Variants in STAT2 observed in about 807,000 individuals in gnomAD.
The protein encoded by STAT2 is interferon alpha induced transcriptional activator.
In STAT2, 51 loss-of-function variants were observed where a neutral mutation model predicts 122.3. The observed-to-expected ratio is 0.42, with a 90% confidence interval of 0.33 to 0.53. STAT2 has a LOEUF of 0.53. Among genes scored for constraint, STAT2 ranks in the 20% least tolerant of loss-of-function variants. The pLI, the probability that STAT2 is intolerant of heterozygous loss-of-function variation, is 0.10. For missense variants in STAT2, 736 were observed against 1,010.3 expected, an observed-to-expected ratio of 0.73 and a Z score of 3.68; for synonymous variants, 351 against 394.9, an observed-to-expected ratio of 0.89 and a Z score of 1.32.
intron 12 of STAT2, 76 bp downstream of exon 12, chr12:56,350,336 C>G: frequency 6.7e-7 from 1 of 1,500,046 alleles, no homozygotes; most frequent in Admixed American, 2.0e-5. Flanking sequence ...CTTGTTTGTG[C>G]CACCAGGGCT....
At chr12:56,351,547 AC>A in intron 8 of STAT2, 97 bp from the exon 9 acceptor site, 1 of 1,316,624 alleles carries the variant, frequency 7.6e-7, no homozygotes, top group Non-Finnish European at 1.0e-6. Flanking sequence ...AGAGTCAGAA[AC>A]TGACTGGGGG....
chr12:56,354,384 G>C, intron 8 of STAT2, 82 bp downstream of exon 8: 1 of 1,587,492 alleles, frequency 6.3e-7, no homozygotes, highest in Non-Finnish European at 8.6e-7. Flanking sequence ...ATAGAGAACA[G>C]TATCTCTTGC....
chr12:56,354,016 A>AATATATATATATATAT (rs1555171512), intron 8 of STAT2, among the ~76,000 whole-genome samples: 4 of 16,696 alleles, frequency 2.4e-4, no homozygotes, highest in Admixed American at 1.4e-3. Flanking sequence ...AAAAAAAAAA[A>AATATATATATATATAT]ATATATATAT....
chr12:56,348,087 G>GTTTTTTT (rs745864117), intron 19 of STAT2, among the ~76,000 whole-genome samples: 19 of 119,576 alleles, frequency 1.6e-4, no homozygotes, highest in South Asian at 2.8e-4. Context: ...ATTATTGGTT[G>GTTTTTTT]TTTTTTTTTT....
chr12:56,343,154 CT>C lies in STAT2; in HGVS notation c.*234del. 2.0e-6 allele frequency: 1 copy of C among 502,848 alleles called. No individual in the cohort carries two copies. Among genetic ancestry groups the C allele is most frequent in the Non-Finnish European group, 3.3e-6 (1 of 302,270 alleles). The allele number at this position is 502,848 out of a possible 1,614,324, so 31.1% of individuals were successfully genotyped here. A position where few individuals can be genotyped will look rare whatever the true frequency, so the allele number is the denominator to read the frequency against. On this transcript the variant is annotated 3_prime_UTR_variant, in exon 24 of 24. Coordinates refer to ENST00000314128, the MANE Select transcript of STAT2 (RefSeq NM_005419.4). The stretch of plus-strand genomic sequence containing the variant: ...TATACCTCCCAGCACAGCAGGCAGC[CT>C]CCAGGATCCTATTTAGACCTATGGC...
intron 6 of STAT2, 191 bp downstream of exon 6, chr12:56,355,085 T>C: frequency 4.1e-6 from 3 of 728,248 alleles, no homozygotes; most frequent in Non-Finnish European, 6.8e-6. Context: ...TCCTCAACAT[T>C]TACTGTCTCT....
chr12:56,356,658 A>T, intron 1 of STAT2, 80 bp from the exon 2 acceptor site: 1 of 1,512,668 alleles, frequency 6.6e-7, no homozygotes, highest in South Asian at 1.3e-5. Flanking sequence ...GTTCATTATT[A>T]CTAATTTAAA....
chr12:56,355,182 G>A (rs768753296), intron 6 of STAT2, 94 bp downstream of exon 6: 43 of 1,432,014 alleles, frequency 3.0e-5, no homozygotes, highest in Non-Finnish European at 4.1e-5. Context: ...GTCTGACAGT[G>A]ACTACTGCTC....
rs758869093 is a variant in STAT2, at chr12:56,355,496, T to C, written c.418A>G (p.Ser140Gly). The change falls in exon 5 of 24, where the codon AGC (serine) becomes GGC (glycine). Residue 140 changes from serine (S) to glycine (G), a missense_variant. Transcript: ENST00000314128. ...GEPVLETPVESQQHEIESRIL... is the reference protein window; with the variant it reads ...GEPVLETPVEGQQHEIESRIL... ...CGGGATTCAATCTCATGTTGCTGGC[T>C]CTCCACAGGTGTTTCGAGAACTGGC... 1 of 1,614,050 alleles carries C rather than the reference T, an allele frequency of 6.2e-7. No homozygotes were observed. The highest frequency in any genetic ancestry group is 2.2e-5 in the East Asian group (1 of 44,894).
intron 8 of STAT2, among the ~76,000 whole-genome samples, chr12:56,354,016 AATATATATAT>A (rs1555171512): frequency 6.0e-5 from 1 of 16,678 alleles, no homozygotes; most frequent in African/African-American, 1.1e-4. Flanking sequence ...AAAAAAAAAA[AATATATATAT>A]ATATATATAT....
rs1344498811 is a variant in STAT2 at position 56,350,814 on chromosome 12, C to T, written c.1094+15G>A. The T allele has an allele frequency of 5.0e-6, 8 of 1,613,678 alleles. No individual in the cohort carries two copies. Among genetic ancestry groups the T allele is most frequent in the Non-Finnish European group, 6.8e-6 (8 of 1,180,036 alleles). On this transcript the variant is annotated intron_variant, in intron 11 of 23. Transcript: ENST00000314128. ...CAGCCCGTGTCCTGGCCACCCTTCA[C>T]CTGCTCCAATTTACCTGTCAATGGA...
chr12:56,350,679 A>G, intron 11 of STAT2, 150 bp downstream of exon 11: 1 of 923,136 alleles, frequency 1.1e-6, no homozygotes, highest in Admixed American at 2.0e-5. Flanking sequence ...GTCACAAAGT[A>G]AGTGTTCAAC....
chr12:56,344,097 G>C lies in STAT2; in HGVS notation c.2141C>G (p.Pro714Arg). ...DELQQPLELK[P>R]EPELESLELE... ...CTCTAATGACTCCAGCTCTGGCTCT[G>C]GCTTAAGCTCCAGCGGTTGTTGCAG... The change falls in exon 23 of 24, where the codon CCA (proline) becomes CGA (arginine). Residue 714 changes from proline to arginine, a missense_variant. Physicochemically the swap from Pro to Arg is moderately radical, Grantham distance 103. Transcript: ENST00000314128. The C allele has an allele frequency of 6.3e-7, 1 of 1,577,854 alleles. No homozygotes were observed. The highest frequency in any genetic ancestry group is 8.6e-7 in the Non-Finnish European group (1 of 1,160,450).
At position 56,346,218 on chromosome 12, in the gene STAT2, T is replaced by C. The variant is rs774709403; in HGVS notation, c.2045-15A>G. The C allele has an allele frequency of 4.3e-6, 7 of 1,613,626 alleles. No individual in the cohort carries two copies. The highest frequency in any genetic ancestry group is 1.7e-5 in the Admixed American group (1 of 59,916). ...CTGGAGATTAACTGTGAGGAACATA[T>C]ACAAGAAGCAGAGAAGATCAGTGGG... On this transcript the variant is annotated splice_polypyrimidine_tract_variant and intron_variant, in intron 21 of 23. Transcript: ENST00000314128.
Position 56,343,228 on chromosome 12 carries a change from G to T in STAT2, c.*161C>A. 1.1e-6 allele frequency: 1 copy of T among 923,876 alleles called. No homozygotes were observed. The allele number at this position is 923,876 out of a possible 1,614,324, so 57.2% of individuals were successfully genotyped here. The stretch of plus-strand genomic sequence containing the variant: ...GTTGTCCCCTCTGTACCCATGTTAT[G>T]CTTTCACCTCTCACCCCAATGGAGT... On this transcript the variant is annotated 3_prime_UTR_variant, in exon 24 of 24. Coordinates refer to ENST00000314128, the MANE Select transcript of STAT2 (RefSeq NM_005419.4).
intron 1 of STAT2, among the ~76,000 whole-genome samples, chr12:56,357,149 G>A (rs1289726131): frequency 6.8e-6 from 1 of 147,612 alleles, no homozygotes; most frequent in Non-Finnish European, 1.5e-5. Context: ...TGATTCTTCT[G>A]CCTCAGCCTC....
intron 8 of STAT2, among the ~76,000 whole-genome samples, chr12:56,354,040 T>TATATATATATATAA (rs1157971570): frequency 1.9e-5 from 1 of 53,358 alleles, no homozygotes; most frequent in Non-Finnish European, 4.1e-5. Flanking sequence ...TATATATATA[T>TATATATATATATAA]AAAAAATACT....
At chr12:56,350,697 A>C (rs1330666163) in intron 11 of STAT2, 132 bp downstream of exon 11, 1 of 1,048,562 alleles carries the variant, frequency 9.5e-7, no homozygotes, top group Non-Finnish European at 1.4e-6. Context: ...AACAAAAGAA[A>C]TGAATTATAA....
intron 3 of STAT2, 69 bp from the exon 4 acceptor site, chr12:56,355,872 C>G: frequency 6.8e-7 from 1 of 1,477,484 alleles, no homozygotes; most frequent in Non-Finnish European, 9.4e-7. Context: ...CCTAGACCCT[C>G]CCCACCAATG....
Sources: gnomAD v4.1 joint callset for allele counts (sites outside exome capture counted in the v4.1 genomes callset) on GRCh38, gnomAD v4.1.1 for gene constraint, MANE v1.5 for transcripts, NCBI Gene and HGNC (gene_info 2026-07-23, HGNC 2026-07-21) for gene names.